The following BCAM variants were observed in gnomAD, a reference collection of about 807,000 sequenced individuals.
BCAM encodes the protein basal cell adhesion molecule.
Under a neutral mutation model 72.4 loss-of-function variants are expected in BCAM, and 61 were observed. The ratio of observed to expected loss-of-function variants is 0.84; its 90% CI spans 0.69 to 1.04. The LOEUF is 1.04. BCAM is among the 50% of genes least tolerant of loss of function. BCAM has a pLI of 0.00. For synonymous variants in BCAM, 408 were observed against 384.2 expected, an observed-to-expected ratio of 1.06 and a Z score of -0.73; for missense variants, 909 against 895.0, an observed-to-expected ratio of 1.02 and a Z score of -0.20.
Position 44,813,778 on chromosome 19 carries a change from A to C in BCAM, c.784+158A>C. On this transcript the variant is annotated intron_variant, in intron 6 of 14. Transcript: ENST00000270233. The surrounding 1 kb of genome is among the most constrained non-coding windows in gnomAD (Gnocchi z 4.2). ...TGCTGGCCACTGACCTCTGACCTCA[A>C]TTGGTCGCACAAGCCCCATCCTGAC... 9.3e-7 allele frequency: 1 copy of C among 1,077,160 alleles called. No homozygotes were observed. Among genetic ancestry groups the C allele is most frequent in the Non-Finnish European group, 1.3e-6 (1 of 769,466 alleles). 66.7% of individuals were successfully genotyped at this position (1,077,160 alleles called of 1,614,324 possible). A position where few individuals can be genotyped will look rare whatever the true frequency, so the allele number is the denominator to read the frequency against.
chr19:44,815,444 T>C (rs995401549), intron 8 of BCAM, among the ~76,000 whole-genome samples: 1 of 151,598 alleles, frequency 6.6e-6, no homozygotes, highest in African/African-American at 2.4e-5. Flanking sequence ...ACCCCTGTTA[T>C]TTCAGTAGGG....
intron 1 of BCAM, among the ~76,000 whole-genome samples, chr19:44,809,794 A>C (rs2122544529): frequency 6.8e-6 from 1 of 147,210 alleles, no homozygotes; most frequent in East Asian, 2.1e-4. Context: ...TTTCCAAGTG[A>C]CAGGCCCCCT....
At chr19:44,820,441 T>C in intron 13 of BCAM, 2 of 1,216,772 alleles carry the variant, frequency 1.6e-6, no homozygotes, top group Non-Finnish European at 2.0e-6. Flanking sequence ...CTCCAATCCG[T>C]AACCATCCCA....
At chr19:44,820,396 C>T (rs1453557717) in intron 13 of BCAM, 2 of 1,156,908 alleles carry the variant, frequency 1.7e-6, no homozygotes, top group Non-Finnish European at 2.1e-6. Flanking sequence ...CTCATCTAAC[C>T]TTGTCTCCAG....
In BCAM at chr19:44,812,076, A is replaced by G. The variant is rs922385; in HGVS notation, c.205-87A>G. 3.8e-6 allele frequency: 5 copies of G among 1,303,892 alleles called. No homozygotes were observed. Among genetic ancestry groups the G allele is most frequent in the Non-Finnish European group, 5.3e-6 (5 of 951,120 alleles). The allele number at this position is 1,303,892 out of a possible 1,614,324, so 80.8% of individuals were successfully genotyped here. On this transcript the variant is annotated intron_variant, in intron 2 of 14. Transcript: ENST00000270233. This position sits in a 1 kb window ranked among gnomAD's most constrained non-coding sequence, Gnocchi z 5.3. ...TAACAAGAGGAAAAGAGGCAGAGCC[A>G]GGAGCTGCAGAGAGAAAGGACCCAG... is the stretch of plus-strand genomic sequence containing the variant.
At position 44,809,117 on chromosome 19, in the gene BCAM, C is replaced by A; in HGVS notation, c.-8C>A. The A allele has an allele frequency of 7.0e-7, 1 of 1,438,274 alleles. No individual in the cohort carries two copies. The highest frequency in any genetic ancestry group is 9.1e-7 in the Non-Finnish European group (1 of 1,097,468). The allele number at this position is 1,438,274 out of a possible 1,614,324, so 89.1% of individuals were successfully genotyped here. A position where few individuals can be genotyped will look rare whatever the true frequency, so the allele number is the denominator to read the frequency against. Reference sequence around the variant, plus strand: ...AGCCCGGGCTCAGTCTCCGCCGCCGCCGTGAACATGGAGCCCCCGGACGCA... The same window carrying A: ...AGCCCGGGCTCAGTCTCCGCCGCCGACGTGAACATGGAGCCCCCGGACGCA... On this transcript the variant is annotated 5_prime_UTR_variant, in exon 1 of 15. Transcript: ENST00000270233.
chr19:44,818,442 G>A lies in BCAM; in HGVS notation c.1079-80G>A. 1 of 1,078,244 alleles carries A rather than the reference G, an allele frequency of 9.3e-7. No individual in the cohort carries two copies. 66.8% of individuals were successfully genotyped at this position (1,078,244 alleles called of 1,614,324 possible). Reference sequence around the variant, plus strand: ...TGCTTCCAACTGTCCATTCATGTTTGCACCCCCGACCGCCCCTGGAGAGCC... The same window carrying A: ...TGCTTCCAACTGTCCATTCATGTTTACACCCCCGACCGCCCCTGGAGAGCC... On this transcript the variant is annotated intron_variant, in intron 8 of 14. Coordinates refer to ENST00000270233, the MANE Select transcript of BCAM (RefSeq NM_005581.5). The surrounding 1 kb of genome is among the most constrained non-coding windows in gnomAD (Gnocchi z 4.6).
At position 44,814,884 on chromosome 19, in the gene BCAM, C is replaced by A; in HGVS notation, c.1078+124C>A. 9.1e-5 allele frequency: 82 copies of A among 905,768 alleles called. No individual in the cohort carries two copies. The highest frequency in any genetic ancestry group is 1.1e-4 in the Non-Finnish European group (76 of 672,156). The allele number at this position is 905,768 out of a possible 1,614,324, so 56.1% of individuals were successfully genotyped here. A position where few individuals can be genotyped will look rare whatever the true frequency, so the allele number is the denominator to read the frequency against. On this transcript the variant is annotated intron_variant, in intron 8 of 14. Transcript: ENST00000270233. This position sits in a 1 kb window ranked among gnomAD's most constrained non-coding sequence, Gnocchi z 4.6. Reference sequence around the variant, plus strand: ...CACTCTGCCTTCAACCCTTTCTCTGCATTTCTTGGGGGTTTTTTTGGTTGT... The same window carrying A: ...CACTCTGCCTTCAACCCTTTCTCTGAATTTCTTGGGGGTTTTTTTGGTTGT...
Position 44,813,254 on chromosome 19 carries a change from C to T in BCAM, c.509C>T (p.Ala170Val), listed in dbSNP as rs961910351. Residue 170 changes from alanine to valine, a missense_variant, in exon 5 of 15, where the codon GCC becomes GTC. Ala to Val is a moderately conservative substitution (Grantham distance 64). Transcript: ENST00000270233. The surrounding 1 kb of genome is among the most constrained non-coding windows in gnomAD (Gnocchi z 4.2). ...SVMEDSAQEI[A>V]TCNSRNGNPA... ...CCATGCCCGTGTCTGCCTCAGATCG[C>T]CACCTGCAACAGCCGGAACGGGAAC... The T allele has an allele frequency of 6.2e-7, 1 of 1,614,094 alleles. No individual in the cohort carries two copies. Among genetic ancestry groups the T allele is most frequent in the African/African-American group, 1.3e-5 (1 of 75,068 alleles).
chr19:44,819,716 A>G lies in BCAM; in HGVS notation c.1753A>G (p.Lys585Glu). 1 of 1,603,554 alleles carries G rather than the reference A, an allele frequency of 6.2e-7. No homozygotes were observed. The highest frequency in any genetic ancestry group is 1.1e-5 in the South Asian group (1 of 90,144). Residue 585 changes from lysine (K) to glutamate (E), a missense_variant, in exon 13 of 15, where the codon AAG becomes GAG. Transcript: ENST00000270233. The part of the protein sequence containing the change: ...GGPCCRQRRE[K>E]GAPPPGEPGL... ...CCCCTGCTGCCGCCAGCGGCGGGAGAAGGGGGCTCCGTGAGTGGCCTGCTA... is the reference window on the plus strand; with the variant it reads ...CCCCTGCTGCCGCCAGCGGCGGGAGGAGGGGGCTCCGTGAGTGGCCTGCTA...
Position 44,814,274 on chromosome 19 carries a change from CT to C in BCAM, c.911del (p.Phe304SerfsTer11). The C allele has an allele frequency of 6.3e-7, 1 of 1,595,922 alleles. No homozygotes were observed. ...GDGSPSPEYT[L>X]FRLQDEQEEV... ...CGGCAGCCCCAGCCCGGAGTATACGCTTTTCCGCCTTCAGGTGACCCACCCA... is the reference window on the plus strand; with the variant it reads ...CGGCAGCCCCAGCCCGGAGTATACGCTTTCCGCCTTCAGGTGACCCACCCA... On this transcript the variant is annotated frameshift_variant, in exon 7 of 15. Coordinates refer to ENST00000270233, the MANE Select transcript of BCAM (RefSeq NM_005581.5). LOFTEE classifies it high-confidence loss of function. This position sits in a 1 kb window ranked among gnomAD's most constrained non-coding sequence, Gnocchi z 4.6.
At chr19:44,815,114 G>C (rs1471880383) in intron 8 of BCAM, among the ~76,000 whole-genome samples, 1 of 151,878 alleles carries the variant, frequency 6.6e-6, no homozygotes, top group African/African-American at 2.4e-5. Context: ...AGTACCCTTG[G>C]GAGAAGCCCA....
chr19:44,809,244 A>G, intron 1 of BCAM, 38 bp downstream of exon 1: 1 of 1,385,988 alleles, frequency 7.2e-7, no homozygotes. Flanking sequence ...GACTGGGGAG[A>G]GGCCCCTGGG....
chr19:44,811,325 T>A lies in BCAM; in HGVS notation c.183T>A (p.His61Gln). ...GCACCCCTACGGGAACCCACGACCA[T>A]TATATGCTGGAATGGTTCCTTGTGA... is the stretch of plus-strand genomic sequence containing the variant. Reference protein sequence around the residue: ...LDCTPTGTHDHYMLEWFLTDR... With the variant: ...LDCTPTGTHDQYMLEWFLTDR... Residue 61 changes from histidine to glutamine, a missense_variant, in exon 2 of 15, where the codon CAT becomes CAA. By Grantham distance (24) the His-to-Gln change is conservative. Coordinates refer to ENST00000270233, the MANE Select transcript of BCAM (RefSeq NM_005581.5). 6.2e-7 allele frequency: 1 copy of A among 1,612,926 alleles called. No individual in the cohort carries two copies. The highest frequency in any genetic ancestry group is 8.5e-7 in the Non-Finnish European group (1 of 1,179,420).
Position 44,814,344 on chromosome 19 carries a change from C to T in BCAM, c.921+56C>T, listed in dbSNP as rs756257165. 6.5e-7 allele frequency: 1 copy of T among 1,544,326 alleles called. No homozygotes were observed. The highest frequency in any genetic ancestry group is 1.2e-5 in the South Asian group (1 of 82,106). ...ACCCCCCAGCCCCTGACCTCTGTGACCTGCTAACCTGCATAACTTCTAATG... is the reference window on the plus strand; with the variant it reads ...ACCCCCCAGCCCCTGACCTCTGTGATCTGCTAACCTGCATAACTTCTAATG... On this transcript the variant is annotated intron_variant, in intron 7 of 14. Coordinates refer to ENST00000270233, the MANE Select transcript of BCAM (RefSeq NM_005581.5). The surrounding 1 kb of genome is among the most constrained non-coding windows in gnomAD (Gnocchi z 4.6).
Position 44,814,594 on chromosome 19 carries a change from C to T in BCAM, c.922-10C>T, listed in dbSNP as rs532571055. ...CTTCTGAGCCTGGTTCCTCGTCCCC[C>T]GTCTCCCAGGATGAGCAGGAGGAAG... On this transcript the variant is annotated splice_polypyrimidine_tract_variant and intron_variant, in intron 7 of 14. Coordinates refer to ENST00000270233, the MANE Select transcript of BCAM (RefSeq NM_005581.5). This position sits in a 1 kb window ranked among gnomAD's most constrained non-coding sequence, Gnocchi z 4.6. 2.3e-5 allele frequency: 37 copies of T among 1,609,948 alleles called. No homozygotes were observed. Among genetic ancestry groups the T allele is most frequent in the Admixed American group, 1.2e-4 (7 of 59,690 alleles).
rs1968447952 is a variant in BCAM, at chr19:44,813,069, G to T, written c.505-181G>T. ...CAGAATCCTTGGTCCCTGGAGGATG[G>T]TGCTGGAGGCCTGGACTCTTTAGTC... On this transcript the variant is annotated intron_variant, in intron 4 of 14. Coordinates refer to ENST00000270233, the MANE Select transcript of BCAM (RefSeq NM_005581.5). The surrounding 1 kb of genome is among the most constrained non-coding windows in gnomAD (Gnocchi z 4.2). 3.1e-6 allele frequency: 2 copies of T among 649,634 alleles called. No individual in the cohort carries two copies. Among genetic ancestry groups the T allele is most frequent in the Admixed American group, 3.0e-5 (1 of 33,172 alleles). The allele number at this position is 649,634 out of a possible 1,614,324, so 40.2% of individuals were successfully genotyped here. A position where few individuals can be genotyped will look rare whatever the true frequency, so the allele number is the denominator to read the frequency against.
chr19:44,818,598 C>A lies in BCAM; in HGVS notation c.1155C>A (p.Ser385=). The change falls in exon 9 of 15, where the codon TCC becomes TCA. Residue 385 remains serine, a synonymous_variant. Coordinates refer to ENST00000270233, the MANE Select transcript of BCAM (RefSeq NM_005581.5). The surrounding 1 kb of genome is among the most constrained non-coding windows in gnomAD (Gnocchi z 4.6). ...PLNSSAVVNC[S]VHGLPTPALR... ...ACAGCAGTGCAGTCGTGAACTGCTC[C>A]GTGCACGGCCTGCCCACCCCTGCCC... 1.2e-6 allele frequency: 2 copies of A among 1,613,980 alleles called. No homozygotes were observed. Among genetic ancestry groups the A allele is most frequent in the South Asian group, 2.2e-5 (2 of 91,072 alleles).
At chr19:44,820,128 C>T (rs555756361) in intron 13 of BCAM, 4 of 1,050,246 alleles carry the variant, frequency 3.8e-6, no homozygotes, top group Admixed American at 5.0e-5. Flanking sequence ...TCAAACCATC[C>T]TCAACTAAGC....
Sources: allele counts gnomAD v4.1 joint callset (sites outside exome capture counted in the v4.1 genomes callset), GRCh38; gene constraint gnomAD v4.1.1; non-coding constraint Gnocchi (gnomAD v3.1); transcripts MANE v1.5; gene names NCBI Gene and HGNC (gene_info 2026-07-23, HGNC 2026-07-21).